Variants in FSTL5 observed in about 807,000 individuals in gnomAD.
The protein encoded by FSTL5 is follistatin like 5.
A neutral mutation model predicts 89.1 loss-of-function variants in FSTL5; 62 were observed. The observed-to-expected ratio is 0.70, with a 90% confidence interval of 0.57 to 0.86. The LOEUF (loss-of-function observed/expected upper bound fraction) is 0.86. Among genes scored for constraint, FSTL5 ranks in the 40% least tolerant of loss-of-function variants. The probability of loss-of-function intolerance (pLI) is 0.00; values close to 1 mark genes in which losing one functional copy is unlikely to be tolerated. For synonymous variants in FSTL5, 383 were observed against 346.2 expected (o/e 1.11, Z -1.18); for missense variants, 1,057 against 1,001.6 (o/e 1.06, Z -0.75).
At chr4:161,497,937 T>C (rs1168513433) in intron 12 of FSTL5, among the ~76,000 whole-genome samples, 1 of 151,852 alleles carries the variant, frequency 6.6e-6, no homozygotes, top group Non-Finnish European at 1.5e-5. Context: ...ATACATAGTT[T>C]GCATATATAA....
intron 10 of FSTL5, among the ~76,000 whole-genome samples, chr4:161,531,258 C>T (rs1420714432): frequency 6.6e-6 from 1 of 152,144 alleles, no homozygotes; most frequent in African/African-American, 2.4e-5. Context: ...AAAACACAAA[C>T]TCCTTAGCCA....
In FSTL5 at chr4:161,385,926, C is replaced by G. The variant is rs760530893; in HGVS notation, c.2365G>C (p.Glu789Gln). 6.2e-7 allele frequency: 1 copy of G among 1,613,972 alleles called. No homozygotes were observed. The highest frequency in any genetic ancestry group is 2.2e-5 in the East Asian group (1 of 44,862). The change falls in exon 16 of 16, where the codon GAA becomes CAA. Residue 789 changes from glutamate to glutamine, a missense_variant. Glu to Gln is a conservative substitution (Grantham distance 29). This residue lies in a region of FSTL5 where 68 missense variants were observed against 73.3 expected (regional missense o/e 0.93). Coordinates refer to ENST00000306100, the MANE Select transcript of FSTL5 (RefSeq NM_020116.5). ...TTTTTCCGGTTCCAAGGCCATTCTT[C>G]TGCCTTGAGTGGTTCCTTGAGACTC... ...IKSLKEPLKA[E>Q]EWPWNRKNRQ...
intron 2 of FSTL5, among the ~76,000 whole-genome samples, chr4:162,109,645 ATAGT>A (rs548085994): frequency 6.1e-4 from 93 of 152,200 alleles, no homozygotes; most frequent in African/African-American, 2.2e-3. Context: ...ATAATTGAAA[ATAGT>A]TTGTTTATAA....
At chr4:161,805,850 G>A (rs1729948415) in intron 4 of FSTL5, among the ~76,000 whole-genome samples, 1 of 151,898 alleles carries the variant, frequency 6.6e-6, no homozygotes, top group Non-Finnish European at 1.5e-5. Context: ...ACTTTCCATG[G>A]TTTTGGTTAC....
chr4:161,642,273 T>A (rs1424210391), intron 7 of FSTL5, among the ~76,000 whole-genome samples: 3 of 152,196 alleles, frequency 2.0e-5, no homozygotes, highest in Non-Finnish European at 2.9e-5. Context: ...ACTATAAGCA[T>A]ATTGTTCTGG....
intron 6 of FSTL5, among the ~76,000 whole-genome samples, chr4:161,757,245 A>G (rs1381346146): frequency 6.6e-6 from 1 of 152,104 alleles, no homozygotes; most frequent in East Asian, 1.9e-4. Flanking sequence ...CACCTTCATA[A>G]GGTATCCCTG....
At chr4:161,857,509 A>C (rs1299699713) in intron 4 of FSTL5, among the ~76,000 whole-genome samples, 1 of 152,180 alleles carries the variant, frequency 6.6e-6, no homozygotes, top group Non-Finnish European at 1.5e-5. Flanking sequence ...CTCATCACTC[A>C]GTCTTTTCAT....
intron 1 of FSTL5, among the ~76,000 whole-genome samples, chr4:162,124,147 TATG>T (rs1295289899): frequency 1.3e-5 from 2 of 152,210 alleles, no homozygotes; most frequent in African/African-American, 2.4e-5. Context: ...TTGGTACTAG[TATG>T]ATATCTGAGA....
Position 161,500,214 on chromosome 4 carries a change from T to C in FSTL5, c.1340-80A>G, listed in dbSNP as rs1024783229. On this transcript the variant is annotated intron_variant, in intron 11 of 15. Coordinates refer to ENST00000306100, the MANE Select transcript of FSTL5 (RefSeq NM_020116.5). Reference sequence around the variant, plus strand: ...CAACCAAAATTCAGTGCCTCTCATATCTTTAGCAGGAGACCAATTTTCGAA... The same window carrying C: ...CAACCAAAATTCAGTGCCTCTCATACCTTTAGCAGGAGACCAATTTTCGAA... 3.4e-6 allele frequency: 3 copies of C among 890,600 alleles called. No homozygotes were observed. The African/African-American group carries it at 5.1e-5, about 15-fold the overall frequency. The allele number at this position is 890,600 out of a possible 1,614,324, so 55.2% of individuals were successfully genotyped here.
intron 5 of FSTL5, among the ~76,000 whole-genome samples, chr4:161,765,636 T>C (rs1195884542): frequency 6.6e-6 from 1 of 152,186 alleles, no homozygotes; most frequent in African/African-American, 2.4e-5. Context: ...TTTAATTTAA[T>C]TCTGTAAGTA....
At chr4:161,940,754 G>A (rs1338304472) in intron 3 of FSTL5, among the ~76,000 whole-genome samples, 1 of 151,672 alleles carries the variant, frequency 6.6e-6, no homozygotes, top group Non-Finnish European at 1.5e-5. Context: ...ACTCCAAGAA[G>A]TGCTAAAGGG....
Position 161,580,930 on chromosome 4 carries a change from T to C in FSTL5, c.1015+6525A>G, listed in dbSNP as rs140498909. Among the ~76,000 whole-genome samples the C allele has an allele frequency of 9.9e-5, 15 of 152,258 alleles. No homozygotes were observed. In the East Asian group the frequency reaches 2.9e-3, roughly 29 times the overall value. ...GATATTCACCATAGATGAGGAGGCCTGTGTGGGCTATGGAGCAAGACATGA... is the reference window on the plus strand; with the variant it reads ...GATATTCACCATAGATGAGGAGGCCCGTGTGGGCTATGGAGCAAGACATGA... On this transcript the variant is annotated intron_variant, in intron 8 of 15. Transcript: ENST00000306100.
At chr4:161,567,192 C>A in intron 8 of FSTL5, among the ~76,000 whole-genome samples, 1 of 151,792 alleles carries the variant, frequency 6.6e-6, no homozygotes, top group East Asian at 1.9e-4. Context: ...AAGAAATAAT[C>A]ATAAATTACA....
intron 3 of FSTL5, among the ~76,000 whole-genome samples, chr4:161,998,693 T>C (rs569755400): frequency 1.3e-5 from 2 of 152,280 alleles, no homozygotes; most frequent in East Asian, 3.9e-4. Context: ...CTGAATTGCT[T>C]TGGGTTCAAT....
chr4:161,947,508 T>C lies in FSTL5; in HGVS notation c.161-26856A>G, dbSNP rs147446600. ...GTGTTTTAAATACGTTCCTTTTCTCTTGTGATTAATTGGTGCATTGGCCCA... is the reference window on the plus strand; with the variant it reads ...GTGTTTTAAATACGTTCCTTTTCTCCTGTGATTAATTGGTGCATTGGCCCA... On this transcript the variant is annotated intron_variant, in intron 3 of 15. Coordinates refer to ENST00000306100, the MANE Select transcript of FSTL5 (RefSeq NM_020116.5). Among the ~76,000 whole-genome samples, 42 of 152,252 alleles carry C rather than the reference T, an allele frequency of 2.8e-4. 1 individual carries two copies. The East Asian group carries it at 7.7e-3, about 28-fold the overall frequency.
intron 6 of FSTL5, among the ~76,000 whole-genome samples, chr4:161,732,096 C>T (rs1042419058): frequency 1.3e-5 from 2 of 151,968 alleles, no homozygotes; most frequent in Non-Finnish European, 2.9e-5. Context: ...GAGAAACTAC[C>T]TGTTTTCCAA....
chr4:161,758,817 C>T lies in FSTL5; in HGVS notation c.727+594G>A, dbSNP rs146298256. Among the ~76,000 whole-genome samples, 556 of 152,266 alleles carry T rather than the reference C, an allele frequency of 3.7e-3. 4 individuals carry two copies. Among genetic ancestry groups the T allele is most frequent in the African/African-American group, 0.012 (497 of 41,538 alleles). The stretch of plus-strand genomic sequence containing the variant: ...ACAGGCATAAGGCACCCATTAGCGG[C>T]CTCTTTGAATTATTTTTAAAGAATA... On this transcript the variant is annotated intron_variant, in intron 6 of 15. Transcript: ENST00000306100.
rs369381154 is a variant in FSTL5 at position 161,698,742 on chromosome 4, A to G, written c.728-42248T>C. ...CAGGAATTCAAGACCAGCGTGGCCA[A>G]CGTGGTGAAACCCTGTCTCTACTAA... On this transcript the variant is annotated intron_variant, in intron 6 of 15. Transcript: ENST00000306100. Among the ~76,000 whole-genome samples the G allele has an allele frequency of 2.0e-5, 3 of 152,300 alleles. No homozygotes were observed. In the East Asian group the frequency reaches 5.8e-4, roughly 29 times the overall value.
intron 2 of FSTL5, among the ~76,000 whole-genome samples, chr4:162,061,218 G>A (rs571439172): frequency 2.9e-4 from 44 of 152,180 alleles, no homozygotes; most frequent in East Asian, 1.5e-3. Context: ...GACAAACAAG[G>A]AGTCACTAAG....
Sources: gnomAD v4.1 joint callset for allele counts (sites outside exome capture counted in the v4.1 genomes callset) on GRCh38, gnomAD v4.1.1 for gene constraint, gnomAD v4.1.1 regional missense constraint, MANE v1.5 for transcripts, NCBI Gene and HGNC (gene_info 2026-07-23, HGNC 2026-07-21) for gene names.